The following DOK7 variants were observed in gnomAD, a reference collection of about 807,000 sequenced individuals.
DOK7 encodes docking protein 7.
In DOK7, 32 loss-of-function variants were observed where a neutral mutation model predicts 30.7. That is an observed-to-expected ratio of 1.04 (90% CI 0.79 to 1.40). The LOEUF is 1.40. DOK7 is among the 40% of genes most tolerant of loss of function. The probability of loss-of-function intolerance (pLI) is 0.00; values close to 1 mark genes in which losing one functional copy is unlikely to be tolerated. For synonymous variants in DOK7, 447 were observed against 324.1 expected (o/e 1.38, Z -4.07); for missense variants, 1,007 against 699.2 (o/e 1.44, Z -4.97).
intron 4 of DOK7, among the ~76,000 whole-genome samples, chr4:3,478,763 C>T (rs1309233771): frequency 6.6e-6 from 1 of 152,136 alleles, no homozygotes; most frequent in Non-Finnish European, 1.5e-5. Flanking sequence ...GCCGAGCCAC[C>T]CATCCCTGTC....
chr4:3,488,131 A>AC (rs1224900175), intron 5 of DOK7, among the ~76,000 whole-genome samples: 2 of 151,998 alleles, frequency 1.3e-5, no homozygotes, highest in Non-Finnish European at 2.9e-5. Flanking sequence ...GGCTTGTGCC[A>AC]CCCCCATCCC....
At chr4:3,479,495 C>T (rs944255993) in intron 4 of DOK7, among the ~76,000 whole-genome samples, 4 of 152,216 alleles carry the variant, frequency 2.6e-5, no homozygotes, top group South Asian at 4.1e-4. Flanking sequence ...GGGCTGGAGT[C>T]GTGGGAAGGC....
At chr4:3,469,515 C>T (rs1175305562) in intron 2 of DOK7, among the ~76,000 whole-genome samples, 7 of 152,130 alleles carry the variant, frequency 4.6e-5, no homozygotes, top group African/African-American at 1.2e-4. Flanking sequence ...CTTCCTCAGC[C>T]GCTGGGTGAG....
intron 3 of DOK7, among the ~76,000 whole-genome samples, chr4:3,475,031 G>A (rs1324844682): frequency 2.0e-5 from 3 of 152,226 alleles, no homozygotes; most frequent in Non-Finnish European, 2.9e-5. Context: ...TGGCCTTGGA[G>A]GTGAGTGTCC....
chr4:3,492,628 G>C, intron 6 of DOK7, 131 bp from the exon 7 acceptor site: 4 of 1,302,510 alleles, frequency 3.1e-6, no homozygotes, highest in South Asian at 1.3e-5. Flanking sequence ...TGTAGGCCCC[G>C]GGGCTTGGGG....
At chr4:3,498,670 T>TA (rs1729041860), downstream of DOK7, among the ~76,000 whole-genome samples, 1 of 151,388 alleles carries the variant, frequency 6.6e-6, no homozygotes, top group Admixed American at 6.6e-5. Context: ...CCCCCTCCTC[T>TA]AGGCAGCTGG....
chr4:3,483,865 G>A (rs1727587722), intron 4 of DOK7, among the ~76,000 whole-genome samples: 1 of 152,184 alleles, frequency 6.6e-6, no homozygotes, highest in Non-Finnish European at 1.5e-5. Context: ...CCTGCCCCCA[G>A]GGCCTGGTGC....
At chr4:3,496,768 A>G, downstream of DOK7, 1 of 1,524,084 alleles carries the variant, frequency 6.6e-7, no homozygotes, top group Non-Finnish European at 8.8e-7. Context: ...CCCCGGGCAC[A>G]GGATGAGGGG....
exon 8 of DOK7, chr4:3,501,012 G>A: frequency 1.1e-6 from 1 of 909,030 alleles, no homozygotes; most frequent in Non-Finnish European, 1.6e-6. Context: ...CAGGCCTCCT[G>A]CCTCACAGGT....
chr4:3,482,029 TG>T (rs1339743111), intron 4 of DOK7, among the ~76,000 whole-genome samples: 1 of 152,104 alleles, frequency 6.6e-6, no homozygotes, highest in African/African-American at 2.4e-5. Flanking sequence ...GACTCTGTCC[TG>T]CTTCTCTGCG....
chr4:3,492,790 A>C lies in DOK7; in HGVS notation c.804A>C (p.Ser268=). 6.2e-7 allele frequency: 1 copy of C among 1,612,790 alleles called. No individual in the cohort carries two copies. Among genetic ancestry groups the C allele is most frequent in the Non-Finnish European group, 8.5e-7 (1 of 1,179,964 alleles). ...GDDRSLSSSS[S]EASHLDVSAS... ...ACCGCAGCCTGTCCAGCTCATCCTC[A>C]GAGGCCAGTCACTTGGACGTCAGCG... is the stretch of plus-strand genomic sequence containing the variant. The change falls in exon 7 of 7, where the codon TCA becomes TCC. Residue 268 remains serine (S), a synonymous_variant. Coordinates refer to ENST00000340083, the MANE Select transcript of DOK7 (RefSeq NM_173660.5).
intron 6 of DOK7, among the ~76,000 whole-genome samples, chr4:3,499,491 A>G (rs1577192944): frequency 6.6e-6 from 1 of 152,114 alleles, no homozygotes; most frequent in South Asian, 2.1e-4. Flanking sequence ...AGGCCTGCAG[A>G]GGAGGGGCCG....
rs1318125605 is a variant in DOK7 at position 3,487,772 on chromosome 4, C to A, written c.653-1905C>A. 3.3e-5 allele frequency among the ~76,000 whole-genome samples: 5 copies of A among 152,312 alleles called. No individual in the cohort carries two copies. In the East Asian group the frequency reaches 7.7e-4, roughly 24 times the overall value. ...TGGGAGGTTGTGTCCTGCATCCTGA[C>A]CCTGGTGTCACCGAGGGGCCACTCT... On this transcript the variant is annotated intron_variant, in intron 5 of 6. Transcript: ENST00000340083.
At chr4:3,490,504 TG>T (rs1728256288) in intron 6 of DOK7, among the ~76,000 whole-genome samples, 2 of 113,576 alleles carry the variant, frequency 1.8e-5, no homozygotes, top group Non-Finnish European at 1.8e-5. Flanking sequence ...CTTTTCCCCC[TG>T]CTCATTCTTT....
In DOK7 at chr4:3,492,883, T is replaced by G; in HGVS notation, c.897T>G (p.Pro299=). Residue 299 remains proline (P), a synonymous_variant, in exon 7 of 7, where the codon CCT becomes CCG. Transcript: ENST00000340083. ...CAGCCAGCACGTCACAGGAGGGGCC[T>G]AGACCAGCAGCTGCCCAGGCCGCCG... ...SSSASTSQEG[P]RPAAAQAAGE... is the part of the protein sequence containing the mutation. The G allele has an allele frequency of 3.1e-6, 5 of 1,600,394 alleles. No homozygotes were observed. The highest frequency in any genetic ancestry group is 4.3e-6 in the Non-Finnish European group (5 of 1,175,258).
chr4:3,471,601 G>A (rs1052458702), intron 2 of DOK7, among the ~76,000 whole-genome samples: 6 of 152,268 alleles, frequency 3.9e-5, no homozygotes, highest in Non-Finnish European at 1.5e-5. Flanking sequence ...GGAGCCACCC[G>A]TGTTCATGCT....
chr4:3,469,701 T>C (rs1402234786), intron 2 of DOK7, among the ~76,000 whole-genome samples: 1 of 152,208 alleles, frequency 6.6e-6, no homozygotes, highest in Non-Finnish European at 1.5e-5. Flanking sequence ...TGTCCCGGCC[T>C]TGACCTGGCT....
downstream of DOK7, among the ~76,000 whole-genome samples, chr4:3,495,121 TCA>T (rs1238738988): frequency 2.0e-5 from 3 of 152,256 alleles, no homozygotes; most frequent in African/African-American, 4.8e-5. Context: ...TCTCTGAGCC[TCA>T]GTTTCCTCTT....
intron 2 of DOK7, among the ~76,000 whole-genome samples, chr4:3,470,827 A>G (rs1012462891): frequency 6.6e-6 from 1 of 152,256 alleles, no homozygotes; most frequent in African/African-American, 2.4e-5. Flanking sequence ...TCCTGACCCC[A>G]GTCCTGACTG....
Sources: gnomAD v4.1 joint callset for allele counts (sites outside exome capture counted in the v4.1 genomes callset) on GRCh38, gnomAD v4.1.1 for gene constraint, MANE v1.5 for transcripts, NCBI Gene and HGNC (gene_info 2026-07-23, HGNC 2026-07-21) for gene names.